Variants in ADAMTSL1 observed in about 807,000 individuals in gnomAD.
The protein encoded by ADAMTSL1 is ADAMTS-like protein 1.
In ADAMTSL1, 126 loss-of-function variants were observed where a neutral mutation model predicts 201.8. The ratio of observed to expected loss-of-function variants is 0.62; its 90% CI spans 0.54 to 0.72. ADAMTSL1 has a LOEUF of 0.72. Among genes scored for constraint, ADAMTSL1 ranks in the 30% least tolerant of loss-of-function variants. The pLI, the probability that ADAMTSL1 is intolerant of heterozygous loss-of-function variation, is 0.00. For missense variants in ADAMTSL1, 2,679 were observed against 2,277.8 expected (o/e 1.18, Z -3.59); for synonymous variants, 1,121 against 903.4 (o/e 1.24, Z -4.32).
intron 5 of ADAMTSL1, among the ~76,000 whole-genome samples, chr9:18,626,563 G>A (rs112461286): frequency 1.6e-3 from 242 of 152,312 alleles, no homozygotes; most frequent in African/African-American, 5.7e-3. Context: ...AATGATATGA[G>A]GCTGGGGGAA....
intron 23 of ADAMTSL1, among the ~76,000 whole-genome samples, chr9:18,886,822 A>T (rs1828929016): frequency 6.6e-6 from 1 of 152,206 alleles, no homozygotes; most frequent in African/African-American, 2.4e-5. Context: ...ACAAACCCTC[A>T]GACTATAGCA....
At position 18,574,281 on chromosome 9, in the gene ADAMTSL1, G is replaced by T; in HGVS notation, c.474+15G>T. On this transcript the variant is annotated intron_variant, in intron 4 of 28. Coordinates refer to ENST00000380548, the MANE Select transcript of ADAMTSL1 (RefSeq NM_001040272.6). ...GTTTATGCCAAGTAAGTGCTGATTT[G>T]TTCTCATTCAACTTGTCCAGAGGGT... 1.2e-6 allele frequency: 2 copies of T among 1,604,902 alleles called. No individual in the cohort carries two copies. The highest frequency in any genetic ancestry group is 1.1e-5 in the South Asian group (1 of 90,904).
chr9:18,121,660 A>G (rs1483975511), intron 1 of ADAMTSL1, among the ~76,000 whole-genome samples: 1 of 152,210 alleles, frequency 6.6e-6, no homozygotes, highest in Admixed American at 6.5e-5. Context: ...GTCTTTTTCT[A>G]TCATATGTCT....
intron 2 of ADAMTSL1, among the ~76,000 whole-genome samples, chr9:18,217,105 C>G (rs1830082979): frequency 6.6e-6 from 1 of 152,078 alleles, no homozygotes; most frequent in African/African-American, 2.4e-5. Flanking sequence ...AATCTGGGCT[C>G]TAAAGGAAGA....
At chr9:18,629,596 G>C (rs116000806) in intron 5 of ADAMTSL1, among the ~76,000 whole-genome samples, 432 of 152,212 alleles carry the variant, frequency 2.8e-3, no homozygotes, top group African/African-American at 0.01. Flanking sequence ...AAGTGTACTT[G>C]GTCATGGTGT....
intron 23 of ADAMTSL1, among the ~76,000 whole-genome samples, chr9:18,835,898 A>G (rs762931794): frequency 1.4e-4 from 21 of 152,110 alleles, no homozygotes; most frequent in South Asian, 1.0e-3. Flanking sequence ...TATTTATCCA[A>G]TCCACTGTTG....
Position 18,412,501 on chromosome 9 carries a change from C to G in ADAMTSL1, c.208-92328C>G, listed in dbSNP as rs185678906. Among the ~76,000 whole-genome samples, 24 of 152,298 alleles carry G rather than the reference C, an allele frequency of 1.6e-4. No homozygotes were observed. In the East Asian group the frequency reaches 4.6e-3, roughly 29 times the overall value. ...TCATAAAAGAACATTTCCTTGTCAA[C>G]TTTTTAGATTCACACAGGAAAGATA... On this transcript the variant is annotated intron_variant, in intron 2 of 29. Transcript: ENST00000680146.
At chr9:18,643,509 C>T (rs1827580152) in intron 7 of ADAMTSL1, among the ~76,000 whole-genome samples, 1 of 151,944 alleles carries the variant, frequency 6.6e-6, no homozygotes, top group South Asian at 2.1e-4. Context: ...CAGATTGTCA[C>T]CTATGTTTTC....
At chr9:18,058,089 A>G (rs563465915) in intron 1 of ADAMTSL1, among the ~76,000 whole-genome samples, 1 of 152,214 alleles carries the variant, frequency 6.6e-6, no homozygotes, top group African/African-American at 2.4e-5. Flanking sequence ...TGCTAGCCAG[A>G]TAGGTAAAGG....
At chr9:18,026,632 A>T (rs59282067) in intron 1 of ADAMTSL1, among the ~76,000 whole-genome samples, 5,812 of 151,750 alleles carry the variant, frequency 0.038, 208 homozygotes, top group African/African-American at 0.1. Context: ...GATTTTTGTG[A>T]CTGTGTTCAG....
chr9:18,487,305 G>A lies in ADAMTSL1; in HGVS notation c.63+13010G>A, dbSNP rs796882489. ...AGAATTTATTTTCCTAATTATAAAC[G>A]AATAGTCTCCACTGTGCATGTAGCT... On this transcript the variant is annotated intron_variant, in intron 1 of 28. Coordinates refer to ENST00000380548, the MANE Select transcript of ADAMTSL1 (RefSeq NM_001040272.6). Among the ~76,000 whole-genome samples the A allele has an allele frequency of 2.6e-4, 40 of 152,190 alleles. 1 individual carries two copies. Among genetic ancestry groups the A allele is most frequent in the African/African-American group, 8.4e-4 (35 of 41,534 alleles).
intron 1 of ADAMTSL1, among the ~76,000 whole-genome samples, chr9:18,040,692 AG>A (rs1821393274): frequency 6.6e-6 from 1 of 152,166 alleles, no homozygotes; most frequent in Non-Finnish European, 1.5e-5. Flanking sequence ...TACTGGAGAA[AG>A]CTTACAACCT....
intron 23 of ADAMTSL1, among the ~76,000 whole-genome samples, chr9:18,854,434 T>C (rs1471470120): frequency 1.3e-5 from 2 of 152,136 alleles, no homozygotes; most frequent in East Asian, 1.9e-4. Flanking sequence ...AAATATACCA[T>C]ACAGATACAC....
At chr9:17,978,315 T>C (rs544275812) in intron 1 of ADAMTSL1, among the ~76,000 whole-genome samples, 3 of 152,230 alleles carry the variant, frequency 2.0e-5, no homozygotes, top group Non-Finnish European at 2.9e-5. Flanking sequence ...AGTAAATACT[T>C]ACCATTGCTG....
chr9:17,964,368 G>C (rs1382565850), intron 1 of ADAMTSL1, among the ~76,000 whole-genome samples: 3 of 152,030 alleles, frequency 2.0e-5, no homozygotes, highest in Non-Finnish European at 4.4e-5. Flanking sequence ...ATTCTACACT[G>C]TAGGATTCTA....
rs535850680 is a variant in ADAMTSL1, at chr9:18,629,499, A to G, written c.602-6444A>G. On this transcript the variant is annotated intron_variant, in intron 5 of 28. Coordinates refer to ENST00000380548, the MANE Select transcript of ADAMTSL1 (RefSeq NM_001040272.6). ...AATTCTCTTTTACCTCAACTGACAAAGTCCTGTGGTTTTTCTTCTTTAGAT... is the reference window on the plus strand; with the variant it reads ...AATTCTCTTTTACCTCAACTGACAAGGTCCTGTGGTTTTTCTTCTTTAGAT... Among the ~76,000 whole-genome samples the G allele has an allele frequency of 2.6e-5, 4 of 152,258 alleles. No individual in the cohort carries two copies. In the South Asian group the frequency reaches 8.3e-4, roughly 32 times the overall value.
intron 1 of ADAMTSL1, among the ~76,000 whole-genome samples, chr9:17,956,238 G>C (rs1165003609): frequency 6.6e-6 from 1 of 152,134 alleles, no homozygotes; most frequent in East Asian, 1.9e-4. Flanking sequence ...AATGCCGTCA[G>C]TGTTTTGCAG....
intron 2 of ADAMTSL1, among the ~76,000 whole-genome samples, chr9:18,271,750 C>T (rs1832377030): frequency 6.6e-6 from 1 of 152,180 alleles, no homozygotes; most frequent in Admixed American, 6.5e-5. Flanking sequence ...GGGATCACCA[C>T]ACTGTCTTCC....
intron 14 of ADAMTSL1, among the ~76,000 whole-genome samples, chr9:18,710,697 T>C (rs1451954795): frequency 9.6e-6 from 1 of 104,086 alleles, no homozygotes. Flanking sequence ...TTTTACAAAA[T>C]TGAACTATTT....
Sources: allele counts gnomAD v4.1 joint callset (sites outside exome capture counted in the v4.1 genomes callset), GRCh38; gene constraint gnomAD v4.1.1; transcripts MANE v1.5; gene names NCBI Gene and HGNC (gene_info 2026-07-23, HGNC 2026-07-21).